Variants in LRRIQ3 observed in about 807,000 individuals in gnomAD.
LRRIQ3 encodes leucine rich repeats and IQ motif containing 3.
In LRRIQ3, 75 loss-of-function variants were observed where a neutral mutation model predicts 59.3. The ratio of observed to expected loss-of-function variants is 1.26; its 90% confidence interval spans 1.05 to 1.53. LRRIQ3 has a LOEUF of 1.53. LRRIQ3 is among the 40% of genes most tolerant of loss of function. The pLI, the probability that LRRIQ3 is intolerant of heterozygous loss-of-function variation, is 0.00. For synonymous variants in LRRIQ3, 250 were observed against 231.3 expected (o/e 1.08, Z -0.73); for missense variants, 831 against 710.0 (o/e 1.17, Z -1.94).
intron 6 of LRRIQ3, among the ~76,000 whole-genome samples, chr1:74,060,964 A>G (rs1051412850): frequency 1.3e-5 from 2 of 152,150 alleles, no homozygotes; most frequent in Non-Finnish European, 1.5e-5. Flanking sequence ...CTCTCACCAC[A>G]GACCTCTGGA....
intron 7 of LRRIQ3, among the ~76,000 whole-genome samples, chr1:74,035,954 T>G (rs2100372536): frequency 6.6e-6 from 1 of 152,336 alleles, no homozygotes; most frequent in Admixed American, 6.5e-5. Context: ...ACAATTGTAC[T>G]TCTCCTACTA....
At chr1:74,062,044 A>C (rs1236642751) in intron 6 of LRRIQ3, among the ~76,000 whole-genome samples, 3 of 152,152 alleles carry the variant, frequency 2.0e-5, no homozygotes, top group Non-Finnish European at 4.4e-5. Context: ...AAAAGAAAAT[A>C]AAATTGACCA....
At chr1:74,054,673 G>C (rs1158214733) in intron 6 of LRRIQ3, among the ~76,000 whole-genome samples, 2 of 150,094 alleles carry the variant, frequency 1.3e-5, no homozygotes, top group Admixed American at 6.7e-5. Flanking sequence ...TGTATTTTCT[G>C]CTCAATTTTG....
chr1:74,047,351 C>T (rs892041746), intron 6 of LRRIQ3, among the ~76,000 whole-genome samples: 1 of 152,042 alleles, frequency 6.6e-6, no homozygotes, highest in African/African-American at 2.4e-5. Flanking sequence ...AATAGATAAC[C>T]AAACACCACA....
At chr1:74,186,604 T>C (rs1327981625) in intron 1 of LRRIQ3, among the ~76,000 whole-genome samples, 2 of 152,156 alleles carry the variant, frequency 1.3e-5, no homozygotes, top group African/African-American at 2.4e-5. Context: ...AATAAGGGAA[T>C]TGGTATGATT....
intron 1 of LRRIQ3, among the ~76,000 whole-genome samples, chr1:74,192,894 C>A (rs937751659): frequency 3.9e-5 from 6 of 152,122 alleles, no homozygotes; most frequent in African/African-American, 1.4e-4. Flanking sequence ...TTAACTACCA[C>A]ATGCAGCATT....
chr1:74,187,340 A>G lies in LRRIQ3; in HGVS notation c.1-3656T>C, dbSNP rs371692117. Among the ~76,000 whole-genome samples, 8 of 140,812 alleles carry G rather than the reference A, an allele frequency of 5.7e-5. No individual in the cohort carries two copies. The South Asian group carries it at 1.0e-3, about 18-fold the overall frequency. 92.4% of individuals were successfully genotyped at this position (140,812 alleles called of 152,430 possible). Reference sequence around the variant, plus strand: ...GAGAGAGATATATAGATATATATATATAGGTATATGTTTACACACACACAC... The same window carrying G: ...GAGAGAGATATATAGATATATATATGTAGGTATATGTTTACACACACACAC... On this transcript the variant is annotated intron_variant, in intron 1 of 7. Transcript: ENST00000354431.
At position 74,041,372 on chromosome 1, in the gene LRRIQ3, T is replaced by C. The variant is rs764990989; in HGVS notation, c.1559A>G (p.Asn520Ser). The change falls in exon 7 of 8, where the codon AAC becomes AGC. Residue 520 changes from asparagine (N) to serine (S), a missense_variant. Coordinates refer to ENST00000354431, the MANE Select transcript of LRRIQ3 (RefSeq NM_001105659.2). ...QKASERLLVQ[N>S]LNNERTLLTR... ...CAAAAGAGTGCGCTCATTATTTAAG[T>C]TTTGAACTAATAAACGCTCTGAAGC... 10 of 1,613,862 alleles carry C rather than the reference T, an allele frequency of 6.2e-6. No homozygotes were observed. The South Asian group carries it at 1.1e-4, about 18-fold the overall frequency.
At chr1:74,158,618 T>C (rs1420641801) in intron 3 of LRRIQ3, among the ~76,000 whole-genome samples, 1 of 152,136 alleles carries the variant, frequency 6.6e-6, no homozygotes, top group Non-Finnish European at 1.5e-5. Flanking sequence ...ATAATTCATT[T>C]GTCACTCTCG....
At chr1:74,097,801 A>G (rs1261122716) in intron 5 of LRRIQ3, among the ~76,000 whole-genome samples, 1 of 152,184 alleles carries the variant, frequency 6.6e-6, no homozygotes, top group Non-Finnish European at 1.5e-5. Context: ...TATCCAGCCA[A>G]ACTAAGCTTC....
rs559067596 is a variant in LRRIQ3, at chr1:74,167,614, T to C, written c.574-11748A>G. On this transcript the variant is annotated intron_variant, in intron 3 of 7. Transcript: ENST00000354431. The stretch of plus-strand genomic sequence containing the variant: ...GACTTTGGGGACTTGGGGAAAGAAG[T>C]GGTTGGGCTGGGGGTGAGAGATAAA... 4.6e-5 allele frequency among the ~76,000 whole-genome samples: 7 copies of C among 151,480 alleles called. No individual in the cohort carries two copies. In the East Asian group the frequency reaches 1.4e-3, roughly 29 times the overall value.
rs187756187 is a variant in LRRIQ3, at chr1:74,028,991, A to T, written c.1719-2022T>A. ...ACTAAAATAGCCCTCTTACAGATAA[A>T]CATTATAAGCTGTGAAGAAAATGTA... On this transcript the variant is annotated intron_variant, in intron 7 of 7. Coordinates refer to ENST00000354431, the MANE Select transcript of LRRIQ3 (RefSeq NM_001105659.2). Among the ~76,000 whole-genome samples, 23 of 152,144 alleles carry T rather than the reference A, an allele frequency of 1.5e-4. No individual in the cohort carries two copies. In the East Asian group the frequency reaches 4.4e-3, roughly 29 times the overall value.
intron 6 of LRRIQ3, among the ~76,000 whole-genome samples, chr1:74,050,744 G>A (rs1158479476): frequency 6.6e-6 from 1 of 152,130 alleles, no homozygotes; most frequent in Non-Finnish European, 1.5e-5. Context: ...GCAAAGAACA[G>A]GAAAATAAGG....
At chr1:74,069,564 G>C (rs764429577) in intron 6 of LRRIQ3, among the ~76,000 whole-genome samples, 2 of 151,800 alleles carry the variant, frequency 1.3e-5, no homozygotes, top group Admixed American at 6.6e-5. Context: ...GAAGATAAAA[G>C]CACCTATTAT....
rs569836653 is a variant in LRRIQ3, at chr1:74,096,214, T to A, written c.867+13180A>T. On this transcript the variant is annotated intron_variant, in intron 5 of 7. Transcript: ENST00000354431. Reference sequence around the variant, plus strand: ...ATATTAAATCTCTTATTGTATCATGTCATGCAGCCTCTGGAAAAACTCCAT... The same window carrying A: ...ATATTAAATCTCTTATTGTATCATGACATGCAGCCTCTGGAAAAACTCCAT... Among the ~76,000 whole-genome samples, 3 of 152,206 alleles carry A rather than the reference T, an allele frequency of 2.0e-5. No homozygotes were observed. The South Asian group carries it at 6.2e-4, about 32-fold the overall frequency.
chr1:74,086,881 CT>C (rs748527031), intron 5 of LRRIQ3, among the ~76,000 whole-genome samples: 12 of 152,042 alleles, frequency 7.9e-5, no homozygotes, highest in Non-Finnish European at 1.5e-4. Flanking sequence ...CTATTATGCT[CT>C]TTTATCTAGG....
At chr1:74,046,617 G>A (rs1375151243) in intron 6 of LRRIQ3, among the ~76,000 whole-genome samples, 4 of 152,138 alleles carry the variant, frequency 2.6e-5, no homozygotes, top group African/African-American at 9.7e-5. Flanking sequence ...TTAAACTAAA[G>A]AGCTTCTGCA....
intron 4 of LRRIQ3, among the ~76,000 whole-genome samples, chr1:74,114,212 C>T (rs1646745488): frequency 6.6e-6 from 1 of 151,900 alleles, no homozygotes; most frequent in African/African-American, 2.4e-5. Flanking sequence ...ATAACAAACT[C>T]TATGAATATA....
intron 1 of LRRIQ3, among the ~76,000 whole-genome samples, chr1:74,186,684 G>T (rs1338382073): frequency 6.6e-6 from 1 of 151,980 alleles, no homozygotes; most frequent in Non-Finnish European, 1.5e-5. Flanking sequence ...TGAAATATTG[G>T]TTCACACAAA....
Sources: gnomAD v4.1 joint callset for allele counts (sites outside exome capture counted in the v4.1 genomes callset) on GRCh38, gnomAD v4.1.1 for gene constraint, MANE v1.5 for transcripts, NCBI Gene and HGNC (gene_info 2026-07-23, HGNC 2026-07-21) for gene names.